The following ZNF688 variants were observed in gnomAD, a reference collection of about 807,000 sequenced individuals.
The protein encoded by ZNF688 is zinc finger protein 688.
A neutral mutation model predicts 13.2 loss-of-function variants in ZNF688; 10 were observed. That is an observed-to-expected ratio of 0.76 (90% confidence interval 0.47 to 1.28). ZNF688 has a LOEUF of 1.28. Ranked by LOEUF, ZNF688 falls within the 50% of genes most tolerant of loss-of-function variation. ZNF688 has a pLI of 0.00. For synonymous variants in ZNF688, 160 were observed against 159.4 expected (o/e 1.00, Z -0.03); for missense variants, 381 against 391.4 (o/e 0.97, Z 0.22).
At chr16:30,570,722 A>ATTATTTATTTATTTATTTAT (rs3072029) in intron 2 of ZNF688, 18 of 299,978 alleles carry the variant, frequency 6.0e-5, no homozygotes, top group South Asian at 1.6e-4. Context: ...AGCAGGGGCT[A>ATTATTTATTTATTTATTTAT]TTATTTATTT....
intron 1 of ZNF688, 126 bp downstream of exon 1, chr16:30,571,308 C>A: frequency 1.3e-6 from 2 of 1,537,014 alleles, no homozygotes; most frequent in Non-Finnish European, 8.7e-7. Flanking sequence ...GCCCTGGGAA[C>A]GGGAGGTGGC....
upstream of ZNF688, chr16:30,572,315 G>A (rs761556394): frequency 7.1e-7 from 1 of 1,407,690 alleles, no homozygotes; most frequent in Non-Finnish European, 9.3e-7. Flanking sequence ...GTCTCTTACC[G>A]TGCCTCCCGA....
upstream of ZNF688, chr16:30,573,808 T>C (rs1356745452): frequency 7.0e-6 from 2 of 285,758 alleles, no homozygotes; most frequent in Non-Finnish European, 1.4e-5. Context: ...TAATTATTAA[T>C]TGTTAATAAT....
chr16:30,573,993 T>C, upstream of ZNF688: 1 of 227,834 alleles, frequency 4.4e-6, no homozygotes, highest in Non-Finnish European at 8.9e-6. Flanking sequence ...ACACCTGTAA[T>C]CTCAGCACTT....
At chr16:30,578,269 A>C in the ZNF688 span, 15 of 152,400 alleles carry the variant, frequency 9.8e-5, no homozygotes, top group East Asian at 3.9e-4. Flanking sequence ...CAGGAGGTCG[A>C]GGCTGCAGTG....
At chr16:30,570,973 G>A in intron 2 of ZNF688, 37 bp downstream of exon 2, 1 of 1,610,326 alleles carries the variant, frequency 6.2e-7, no homozygotes, top group Non-Finnish European at 8.5e-7. Flanking sequence ...AGGAAGCCCT[G>A]GAAAACCAAG....
upstream of ZNF688, chr16:30,572,259 A>G: frequency 6.4e-7 from 1 of 1,553,436 alleles, no homozygotes. Context: ...ACTGGAGCGC[A>G]GCGGAGACCT....
upstream of ZNF688, among the ~76,000 whole-genome samples, chr16:30,574,719 AT>A (rs2051731026): frequency 6.6e-6 from 1 of 152,072 alleles, no homozygotes; most frequent in Non-Finnish European, 1.5e-5. Context: ...TGTTGGGAAA[AT>A]TTCAAGTCCT....
At chr16:30,577,285 T>G (rs2051755358), upstream of ZNF688, among the ~76,000 whole-genome samples, 1 of 152,170 alleles carries the variant, frequency 6.6e-6, no homozygotes, top group Non-Finnish European at 1.5e-5. Context: ...CTTCAGATCC[T>G]ATGTTGTAAA....
At chr16:30,577,723 C>T (rs2051760685), upstream of ZNF688, among the ~76,000 whole-genome samples, 1 of 146,818 alleles carries the variant, frequency 6.8e-6, no homozygotes, top group Admixed American at 6.9e-5. Context: ...CACTCTGTGG[C>T]CAAGGCTGGA....
At chr16:30,574,685 CTT>C (rs377462973), upstream of ZNF688, among the ~76,000 whole-genome samples, 304 of 152,240 alleles carry the variant, frequency 2.0e-3, 1 homozygote, top group African/African-American at 6.6e-3. Context: ...GTATCAATCA[CTT>C]TGAGTATTTA....
rs1431492004 is a variant in ZNF688 at position 30,571,703 on chromosome 16, C to A, written c.-74G>T. The A allele has an allele frequency of 1.5e-6, 2 of 1,354,666 alleles. No individual in the cohort carries two copies. Among genetic ancestry groups the A allele is most frequent in the East Asian group, 3.0e-5 (1 of 32,962 alleles). 83.9% of individuals were successfully genotyped at this position (1,354,666 alleles called of 1,614,324 possible). ...CCTCCCCGCTCCCGGCCTCAGCTGT[C>A]GTTGTCCACAGGAAGGGCGGCCCCG... On this transcript the variant is annotated 5_prime_UTR_variant, in exon 1 of 3. Coordinates refer to ENST00000223459, the MANE Select transcript of ZNF688 (RefSeq NM_145271.4).
At position 30,569,760 on chromosome 16, in the gene ZNF688, G is replaced by T; in HGVS notation, c.*156C>A. The T allele has an allele frequency of 1.5e-6, 1 of 684,138 alleles. No individual in the cohort carries two copies. Among genetic ancestry groups the T allele is most frequent in the Non-Finnish European group, 2.1e-6 (1 of 475,590 alleles). 42.4% of individuals were successfully genotyped at this position (684,138 alleles called of 1,614,324 possible). ...AGTCTAATCTATTCGAATCTTTACA[G>T]GCACTTTTCTTTTTACAAGTTGGAA... On this transcript the variant is annotated 3_prime_UTR_variant, in exon 3 of 3. Transcript: ENST00000223459.
chr16:30,569,937 G>A lies in ZNF688; in HGVS notation c.810C>T (p.Asp270=). ...DPPVLFRHYP[D]IFEECG is the part of the protein sequence containing the mutation. ...CCGCTCAGCCGCACTCCTCGAAGATGTCTGGGTAGTGCCGGAAGAGCACAG... is the reference window on the plus strand; with the variant it reads ...CCGCTCAGCCGCACTCCTCGAAGATATCTGGGTAGTGCCGGAAGAGCACAG... The change falls in exon 3 of 3, where the codon GAC becomes GAT. Residue 270 remains aspartate, a synonymous_variant. Coordinates refer to ENST00000223459, the MANE Select transcript of ZNF688 (RefSeq NM_145271.4). 6.4e-7 allele frequency: 1 copy of A among 1,572,448 alleles called. No homozygotes were observed. The highest frequency in any genetic ancestry group is 8.6e-7 in the Non-Finnish European group (1 of 1,160,518).
upstream of ZNF688, among the ~76,000 whole-genome samples, chr16:30,574,965 TTG>T (rs1210035515): frequency 6.6e-6 from 1 of 152,212 alleles, no homozygotes; most frequent in African/African-American, 2.4e-5. Flanking sequence ...CATGTGATAT[TTG>T]CCTTTCTGTG....
At chr16:30,572,291 T>G (rs1340996303), upstream of ZNF688, 5 of 1,495,188 alleles carry the variant, frequency 3.3e-6, no homozygotes, top group Non-Finnish European at 4.5e-6. Flanking sequence ...GTGCTCGGGA[T>G]TGTGTCCCCT....
chr16:30,570,927 C>T, intron 2 of ZNF688, 83 bp downstream of exon 2: 3 of 1,400,240 alleles, frequency 2.1e-6, no homozygotes, highest in Non-Finnish European at 3.0e-6. Context: ...TTTAGGGATG[C>T]TGGAAGTGGG....
upstream of ZNF688, chr16:30,573,848 C>T (rs539677541): frequency 1.6e-5 from 6 of 374,680 alleles, no homozygotes; most frequent in Admixed American, 1.2e-4. Context: ...TACATTATTA[C>T]CTTGAGTTCT....
In ZNF688 at chr16:30,570,250, T is replaced by A; in HGVS notation, c.497A>T (p.Gln166Leu). ...CATGCTGGGTATGGGTGCCGGGGGCTGTGCTCCTGTGGTCGGGTCCCAGGC... is the reference window on the plus strand; with the variant it reads ...CATGCTGGGTATGGGTGCCGGGGGCAGTGCTCCTGTGGTCGGGTCCCAGGC... The part of the protein sequence containing the change: ...NAAWDPTTGA[Q>L]PPAPIPSMDA... The change falls in exon 3 of 3, where the codon CAG (glutamine) becomes CTG (leucine). Residue 166 changes from glutamine (Q) to leucine (L), a missense_variant. Transcript: ENST00000223459. 3.1e-6 allele frequency: 5 copies of A among 1,613,650 alleles called. No individual in the cohort carries two copies. Among genetic ancestry groups the A allele is most frequent in the Non-Finnish European group, 4.2e-6 (5 of 1,179,878 alleles).
Sources: gnomAD v4.1 joint callset for allele counts (sites outside exome capture counted in the v4.1 genomes callset) on GRCh38, gnomAD v4.1.1 for gene constraint, MANE v1.5 for transcripts, NCBI Gene and HGNC (gene_info 2026-07-23, HGNC 2026-07-21) for gene names.